The following NIM1K variants were observed in gnomAD, a reference collection of about 807,000 sequenced individuals.
The protein encoded by NIM1K is NIM1 serine/threonine protein kinase.
NIM1K carries 35 observed loss-of-function variants against 37.1 expected under a neutral mutation model. The observed-to-expected ratio is 0.94, with a 90% CI of 0.72 to 1.25. The LOEUF is 1.25. Ranked by LOEUF, NIM1K falls within the 50% of genes most tolerant of loss-of-function variation. NIM1K has a pLI of 0.00. For missense variants in NIM1K, 564 were observed against 548.0 expected (o/e 1.03, Z -0.29); for synonymous variants, 234 against 206.6 (o/e 1.13, Z -1.14).
At chr5:43,278,103 T>C (rs1413869997) in intron 3 of NIM1K, among the ~76,000 whole-genome samples, 3 of 151,182 alleles carry the variant, frequency 2.0e-5, no homozygotes, top group Non-Finnish European at 4.4e-5. Context: ...TGGAGTGCAG[T>C]GGCATGATCT....
At chr5:43,222,806 A>G (rs528490949) in intron 1 of NIM1K, among the ~76,000 whole-genome samples, 1 of 152,226 alleles carries the variant, frequency 6.6e-6, no homozygotes, top group East Asian at 1.9e-4. Context: ...CAAAGTGTTC[A>G]GCTTACCTTA....
Position 43,232,151 on chromosome 5 carries a change from T to C in NIM1K, c.-694-12931T>C, listed in dbSNP as rs1752548650. 3 of 996,718 alleles carry C rather than the reference T, an allele frequency of 3.0e-6. No homozygotes were observed. In the Admixed American group the frequency reaches 5.3e-5, roughly 18 times the overall value. 61.7% of individuals were successfully genotyped at this position (996,718 alleles called of 1,614,324 possible). Reference sequence around the variant, plus strand: ...GGGCACCAAACCACAAATTAGATGATACACTTGGTCTTGATTGATGGTGGC... The same window carrying C: ...GGGCACCAAACCACAAATTAGATGACACACTTGGTCTTGATTGATGGTGGC... On this transcript the variant is annotated intron_variant, in intron 1 of 3. Transcript: ENST00000326035.
intron 2 of NIM1K, among the ~76,000 whole-genome samples, chr5:43,262,977 G>C (rs920668750): frequency 1.3e-5 from 2 of 152,168 alleles, no homozygotes; most frequent in Non-Finnish European, 2.9e-5. Context: ...GATCGTGGTG[G>C]ATAAGCTTTT....
At chr5:43,275,252 A>ATAAGT (rs1277663869) in intron 2 of NIM1K, among the ~76,000 whole-genome samples, 3 of 152,198 alleles carry the variant, frequency 2.0e-5, no homozygotes, top group Non-Finnish European at 2.9e-5. Flanking sequence ...ATATTAATAA[A>ATAAGT]TAAGTTAGCA....
intron 1 of NIM1K, among the ~76,000 whole-genome samples, chr5:43,240,017 C>T (rs1752676848): frequency 6.6e-6 from 1 of 151,996 alleles, no homozygotes; most frequent in African/African-American, 2.4e-5. Context: ...TTATCGTACA[C>T]CAACTATGTA....
chr5:43,252,301 T>C (rs1356302936), intron 2 of NIM1K, among the ~76,000 whole-genome samples: 1 of 152,156 alleles, frequency 6.6e-6, no homozygotes, highest in Non-Finnish European at 1.5e-5. Context: ...CTCACTGACA[T>C]GCCCTCCTTA....
intron 2 of NIM1K, among the ~76,000 whole-genome samples, chr5:43,247,426 C>T (rs1048101191): frequency 6.6e-6 from 1 of 152,202 alleles, no homozygotes; most frequent in African/African-American, 2.4e-5. Context: ...TGCCTCTGTG[C>T]AACCAAAGAT....
intron 1 of NIM1K, chr5:43,232,192 G>C: frequency 2.0e-6 from 2 of 989,612 alleles, no homozygotes; most frequent in Non-Finnish European, 3.1e-6. Flanking sequence ...CAGCATTGAC[G>C]TCTTTGAGAA....
In NIM1K at chr5:43,212,099, C is replaced by A. The variant is rs537589241; in HGVS notation, c.-695+19688C>A. Among the ~76,000 whole-genome samples, 4 of 152,042 alleles carry A rather than the reference C, an allele frequency of 2.6e-5. No homozygotes were observed. The East Asian group carries it at 7.7e-4, about 29-fold the overall frequency. On this transcript the variant is annotated intron_variant, in intron 1 of 3. Transcript: ENST00000326035. ...CTTTTATTTCCGCCTCTCTTGGATG[C>A]GCCTGGTCTGCTGGTGCCTTAAAGC...
Position 43,280,732 on chromosome 5 carries a change from TG to T in NIM1K, c.*4del. ...CCAAATTTTGCTCGATTTTATAAAT[TG>T]CACTAGACTGCTTGTAACTAACCAA... On this transcript the variant is annotated 3_prime_UTR_variant, in exon 4 of 4. Coordinates refer to ENST00000326035, the MANE Select transcript of NIM1K (RefSeq NM_153361.4). 1 of 1,584,194 alleles carries T rather than the reference TG, an allele frequency of 6.3e-7. No individual in the cohort carries two copies. Among genetic ancestry groups the T allele is most frequent in the Admixed American group, 1.9e-5 (1 of 52,572 alleles).
chr5:43,212,698 C>T (rs894824941), intron 1 of NIM1K, among the ~76,000 whole-genome samples: 4 of 152,144 alleles, frequency 2.6e-5, no homozygotes. Context: ...CTGATAGAGA[C>T]ACCAACTCTA....
intron 1 of NIM1K, among the ~76,000 whole-genome samples, chr5:43,220,503 A>ACTC: frequency 6.6e-6 from 1 of 151,798 alleles, no homozygotes; most frequent in East Asian, 1.9e-4. Context: ...CTGATCGCAA[A>ACTC]CTCCTGACCT....
intron 2 of NIM1K, among the ~76,000 whole-genome samples, chr5:43,258,310 T>C (rs1180143624): frequency 6.6e-6 from 1 of 152,244 alleles, no homozygotes; most frequent in Non-Finnish European, 1.5e-5. Flanking sequence ...ATACAGTAAT[T>C]CATTGTATGA....
In NIM1K at chr5:43,210,101, G is replaced by A. The variant is rs113319166; in HGVS notation, c.-695+17690G>A. On this transcript the variant is annotated intron_variant, in intron 1 of 3. Coordinates refer to ENST00000326035, the MANE Select transcript of NIM1K (RefSeq NM_153361.4). ...CACCAGACAGGATTTGAAGATGTTG[G>A]AAATACCAGAGGAAAAGCTGAATTC... is the stretch of plus-strand genomic sequence containing the variant. Among the ~76,000 whole-genome samples the A allele has an allele frequency of 2.0e-4, 30 of 151,360 alleles. 1 individual carries two copies. The South Asian group carries it at 2.5e-3, about 13-fold the overall frequency.
intron 1 of NIM1K, among the ~76,000 whole-genome samples, chr5:43,198,544 G>A (rs1222648976): frequency 6.7e-6 from 1 of 149,992 alleles, no homozygotes; most frequent in Non-Finnish European, 1.5e-5. Context: ...ACTTTATTAA[G>A]TAATGATTAC....
chr5:43,220,530 C>T (rs562531445), intron 1 of NIM1K, among the ~76,000 whole-genome samples: 2 of 152,290 alleles, frequency 1.3e-5, no homozygotes, highest in East Asian at 3.9e-4. Context: ...ATCCGCCCGC[C>T]TTGGCCTTCC....
intron 2 of NIM1K, among the ~76,000 whole-genome samples, chr5:43,254,030 T>C (rs936016324): frequency 2.0e-5 from 3 of 152,124 alleles, no homozygotes; most frequent in African/African-American, 7.2e-5. Flanking sequence ...GGAATGTGAA[T>C]TGAAGTTGGA....
intron 1 of NIM1K, among the ~76,000 whole-genome samples, chr5:43,222,278 A>G (rs1211882539): frequency 1.3e-5 from 2 of 152,234 alleles, no homozygotes; most frequent in East Asian, 3.8e-4. Context: ...CAGAGGAAAG[A>G]CAGGATGAAT....
At chr5:43,223,340 C>T (rs1346444792) in intron 1 of NIM1K, among the ~76,000 whole-genome samples, 1 of 152,098 alleles carries the variant, frequency 6.6e-6, no homozygotes, top group East Asian at 1.9e-4. Flanking sequence ...TAGCACCTAC[C>T]TTCTAAAATT....
Sources: allele counts gnomAD v4.1 joint callset (sites outside exome capture counted in the v4.1 genomes callset), GRCh38; gene constraint gnomAD v4.1.1; transcripts MANE v1.5; gene names NCBI Gene and HGNC (gene_info 2026-07-23, HGNC 2026-07-21).